The following STARD13 variants were observed in gnomAD, a reference collection of about 807,000 sequenced individuals.
The protein encoded by STARD13 is stAR-related lipid transfer protein 13.
Under a neutral mutation model 106.4 loss-of-function variants are expected in STARD13, and 62 were observed. The observed-to-expected ratio is 0.58, with a 90% CI of 0.48 to 0.72. STARD13 has a LOEUF of 0.72. Ranked by LOEUF, STARD13 falls within the 30% of genes least tolerant of loss-of-function variation. The pLI, the probability that STARD13 is intolerant of heterozygous loss-of-function variation, is 0.00. For missense variants in STARD13, 1,387 were observed against 1,424.0 expected, an observed-to-expected ratio of 0.97 and a Z score of 0.42; for synonymous variants, 565 against 553.0, an observed-to-expected ratio of 1.02 and a Z score of -0.31.
At chr13:33,633,479 A>G in the STARD13 span, among the ~76,000 whole-genome samples, 1 of 152,220 alleles carries the variant, frequency 6.6e-6, no homozygotes, top group Non-Finnish European at 1.5e-5. Flanking sequence ...AATTGCAGGA[A>G]AAAAGTGGAA....
chr13:33,106,696 A>C lies in STARD13; in HGVS notation c.3224+62T>G, dbSNP rs1344565647. 9.8e-6 allele frequency: 14 copies of C among 1,434,800 alleles called. No homozygotes were observed. In the Admixed American group the frequency reaches 1.3e-4, roughly 13 times the overall value. 88.9% of individuals were successfully genotyped at this position (1,434,800 alleles called of 1,614,324 possible). On this transcript the variant is annotated intron_variant, in intron 13 of 13. Transcript: ENST00000336934. ...GAAATCAGGGTGACATCCCTGCTGG[A>C]TGTGCTGTACAAGCTGAGACTCCCA...
the STARD13 span, among the ~76,000 whole-genome samples, chr13:33,371,542 C>T: frequency 6.6e-6 from 1 of 152,166 alleles, no homozygotes; most frequent in African/African-American, 2.4e-5. Context: ...TAATATGCTG[C>T]TTCTGAAAAG....
At chr13:33,522,886 G>C in the STARD13 span, among the ~76,000 whole-genome samples, 2 of 152,162 alleles carry the variant, frequency 1.3e-5, no homozygotes, top group Non-Finnish European at 2.9e-5. Context: ...TTTTTCTCTA[G>C]AAAATTAAGG....
rs60435547 is a variant in STARD13, at chr13:33,177,842, A to T, written c.170-10220T>A. Reference sequence around the variant, plus strand: ...GAAGGAAGGAAGGAAGGAAGGAAGGAAAGGAAGGAAGGAAGGAAGGAAGGA... The same window carrying T: ...GAAGGAAGGAAGGAAGGAAGGAAGGTAAGGAAGGAAGGAAGGAAGGAAGGA... On this transcript the variant is annotated intron_variant, in intron 1 of 13. Transcript: ENST00000336934. Among the ~76,000 whole-genome samples the T allele has an allele frequency of 2.2e-3, 25 of 11,560 alleles. 1 individual carries two copies. The highest frequency in any genetic ancestry group is 0.015 in the African/African-American group (24 of 1,632). The allele number at this position is 11,560 out of a possible 152,430, so 7.6% of individuals were successfully genotyped here.
At chr13:33,513,570 T>A in the STARD13 span, among the ~76,000 whole-genome samples, 1 of 152,172 alleles carries the variant, frequency 6.6e-6, no homozygotes. Flanking sequence ...TGCTGACTTG[T>A]TTTTAACCTG....
At chr13:33,254,158 C>G (rs1314255535) in intron 1 of STARD13, among the ~76,000 whole-genome samples, 1 of 152,174 alleles carries the variant, frequency 6.6e-6, no homozygotes, top group Non-Finnish European at 1.5e-5. Flanking sequence ...AGATAGGACA[C>G]TAGGCTGATG....
intron 2 of STARD13, among the ~76,000 whole-genome samples, chr13:33,166,849 G>C (rs1176250391): frequency 1.3e-5 from 2 of 151,916 alleles, no homozygotes; most frequent in African/African-American, 4.8e-5. Context: ...ACAAAAATTG[G>C]CCAGGTGTGG....
At chr13:33,292,410 G>A (rs1272012605) in intron 1 of STARD13, among the ~76,000 whole-genome samples, 1 of 148,536 alleles carries the variant, frequency 6.7e-6, no homozygotes, top group Non-Finnish European at 1.5e-5. Context: ...GGGCAACATG[G>A]CAAAAACCCA....
the STARD13 span, among the ~76,000 whole-genome samples, chr13:33,423,058 C>G: frequency 2.0e-5 from 3 of 152,136 alleles, no homozygotes; most frequent in African/African-American, 7.2e-5. Flanking sequence ...GGCTAAAACA[C>G]CAAAAGCAAT....
chr13:33,648,454 T>A, the STARD13 span, among the ~76,000 whole-genome samples: 1 of 152,178 alleles, frequency 6.6e-6, no homozygotes, highest in Non-Finnish European at 1.5e-5. Context: ...GTTACTTTAC[T>A]TTTTTTCGTG....
At chr13:33,406,661 G>A in the STARD13 span, among the ~76,000 whole-genome samples, 1 of 152,128 alleles carries the variant, frequency 6.6e-6, no homozygotes, top group African/African-American at 2.4e-5. Flanking sequence ...GCACATCCAA[G>A]CCTCCTCGCA....
chr13:33,671,034 T>C, the STARD13 span, among the ~76,000 whole-genome samples: 1 of 152,254 alleles, frequency 6.6e-6, no homozygotes, highest in Non-Finnish European at 1.5e-5. Flanking sequence ...AAGGGAATAA[T>C]GCTGATAGGT....
rs572107905 is a variant in STARD13, at chr13:33,123,135, T to A, written c.2082+2946A>T. Among the ~76,000 whole-genome samples the A allele has an allele frequency of 1.6e-4, 24 of 150,408 alleles. No homozygotes were observed. The South Asian group carries it at 2.3e-3, about 15-fold the overall frequency. The stretch of plus-strand genomic sequence containing the variant: ...GCCCCAGAGCACTGCTCACTTTATC[T>A]GAGGCAGGCAACAGAAAAAGTGACA... On this transcript the variant is annotated intron_variant, in intron 7 of 13. Transcript: ENST00000336934.
chr13:33,412,825 G>T, the STARD13 span, among the ~76,000 whole-genome samples: 4 of 151,982 alleles, frequency 2.6e-5, no homozygotes. Flanking sequence ...AACATTGATA[G>T]AACAAAAAGG....
At chr13:33,572,346 C>T in the STARD13 span, among the ~76,000 whole-genome samples, 9 of 152,230 alleles carry the variant, frequency 5.9e-5, no homozygotes, top group South Asian at 6.2e-4. Context: ...GCCAACTGTT[C>T]GAACCATGTT....
chr13:33,186,124 C>A, intron 1 of STARD13: 2 of 1,425,222 alleles, frequency 1.4e-6, no homozygotes, highest in Non-Finnish European at 9.4e-7. Context: ...CAGTGACCTG[C>A]GAAGCCTCAG....
intron 1 of STARD13, among the ~76,000 whole-genome samples, chr13:33,169,140 C>T (rs1320478004): frequency 1.3e-5 from 2 of 152,176 alleles, no homozygotes; most frequent in Admixed American, 6.5e-5. Flanking sequence ...CAGAAACATC[C>T]AGGGAACCAA....
Position 33,129,021 on chromosome 13 carries a change from T to C in STARD13, c.1656A>G (p.Glu552=), listed in dbSNP as rs1285302140. 1 of 1,614,130 alleles carries C rather than the reference T, an allele frequency of 6.2e-7. No individual in the cohort carries two copies. The part of the protein sequence containing the change: ...SEGRTTPSDV[E]RDVTSLNESE... ...ATTCATTAAGAGATGTTACATCTCT[T>C]TCCACATCACTGGGTGTCGTCCGAC... The change falls in exon 5 of 14, where the codon GAA becomes GAG. Residue 552 remains glutamate, a synonymous_variant. Transcript: ENST00000336934.
intron 1 of STARD13, among the ~76,000 whole-genome samples, chr13:33,192,437 C>T (rs1311724676): frequency 1.3e-5 from 2 of 152,178 alleles, no homozygotes. Flanking sequence ...GTTTATAGGA[C>T]CTGTGAAAGC....
Sources: allele counts gnomAD v4.1 joint callset (sites outside exome capture counted in the v4.1 genomes callset), GRCh38; gene constraint gnomAD v4.1.1; transcripts MANE v1.5; gene names NCBI Gene and HGNC (gene_info 2026-07-23, HGNC 2026-07-21).